The following HS3ST4 variants were observed in gnomAD, a reference collection of about 807,000 sequenced individuals.
HS3ST4 encodes the protein heparan sulfate-glucosamine 3-sulfotransferase 4, also known as heparan sulfate glucosamine 3-O-sulfotransferase 4.
In HS3ST4, 17 loss-of-function variants were observed where a neutral mutation model predicts 29.2. The ratio of observed to expected loss-of-function variants is 0.58; its 90% CI spans 0.40 to 0.87. HS3ST4 has a LOEUF of 0.87. HS3ST4 is among the 40% of genes least tolerant of loss of function. The pLI is 0.00. For synonymous variants in HS3ST4, 314 were observed against 285.7 expected (o/e 1.10, Z -1.00); for missense variants, 627 against 634.5 (o/e 0.99, Z 0.13).
intron 1 of HS3ST4, among the ~76,000 whole-genome samples, chr16:26,034,233 G>C (rs1389716700): frequency 6.6e-6 from 1 of 152,188 alleles, no homozygotes; most frequent in African/African-American, 2.4e-5. Flanking sequence ...ATCAGGGCAA[G>C]AGTATGGTGG....
At chr16:26,054,651 A>G (rs1898386204) in intron 1 of HS3ST4, among the ~76,000 whole-genome samples, 1 of 152,152 alleles carries the variant, frequency 6.6e-6, no homozygotes, top group African/African-American at 2.4e-5. Flanking sequence ...GGACAGCACC[A>G]GGTCATTATT....
intron 1 of HS3ST4, among the ~76,000 whole-genome samples, chr16:26,109,337 C>T (rs527325014): frequency 3.9e-5 from 6 of 152,154 alleles, no homozygotes; most frequent in Admixed American, 6.5e-5. Flanking sequence ...CGCACACAAT[C>T]TTTTCTGCAT....
At chr16:25,745,806 A>G (rs572971506) in intron 1 of HS3ST4, among the ~76,000 whole-genome samples, 57 of 152,302 alleles carry the variant, frequency 3.7e-4, no homozygotes, top group African/African-American at 1.3e-3. Context: ...AAATTCACCA[A>G]TCTACATGTT....
At chr16:25,847,793 A>G (rs115042725) in intron 1 of HS3ST4, among the ~76,000 whole-genome samples, 287 of 152,312 alleles carry the variant, frequency 1.9e-3, no homozygotes, top group African/African-American at 6.8e-3. Context: ...CAGAAATCCT[A>G]ATGATGGATC....
chr16:25,901,349 C>A (rs575157713), intron 1 of HS3ST4, among the ~76,000 whole-genome samples: 1 of 152,326 alleles, frequency 6.6e-6, no homozygotes, highest in Admixed American at 6.5e-5. Context: ...CCAGGGAGTA[C>A]TAGAAAATCT....
At chr16:25,761,476 A>G (rs1008762892) in intron 1 of HS3ST4, among the ~76,000 whole-genome samples, 13 of 152,230 alleles carry the variant, frequency 8.5e-5, no homozygotes, top group Non-Finnish European at 1.6e-4. Flanking sequence ...ATAGTCCTGG[A>G]CAGTCAACCT....
intron 1 of HS3ST4, among the ~76,000 whole-genome samples, chr16:26,116,579 C>A (rs1364938670): frequency 8.1e-6 from 1 of 123,434 alleles, no homozygotes; most frequent in Non-Finnish European, 1.9e-5. Context: ...AATATTGAGT[C>A]CATGATAGCA....
At chr16:25,963,904 G>T (rs1352661717) in intron 1 of HS3ST4, among the ~76,000 whole-genome samples, 4 of 152,132 alleles carry the variant, frequency 2.6e-5, no homozygotes, top group Non-Finnish European at 5.9e-5. Flanking sequence ...GGGCGAGGTG[G>T]CTCACACTGT....
At chr16:26,058,085 CA>C (rs1898431286) in intron 1 of HS3ST4, among the ~76,000 whole-genome samples, 1 of 152,186 alleles carries the variant, frequency 6.6e-6, no homozygotes, top group Admixed American at 6.5e-5. Flanking sequence ...GGAGGCAACA[CA>C]AGTTGTTGCA....
At position 25,949,419 on chromosome 16, in the gene HS3ST4, A is replaced by T. The variant is rs111439252; in HGVS notation, c.735-186193A>T. 2.4e-4 allele frequency among the ~76,000 whole-genome samples: 36 copies of T among 152,204 alleles called. 1 individual carries two copies. Among genetic ancestry groups the T allele is most frequent in the African/African-American group, 8.4e-4 (35 of 41,538 alleles). ...AACCATCCTTCTACTCTCTATGTTCATGATTTCTAGTGATGTTTTTGATTG... is the reference window on the plus strand; with the variant it reads ...AACCATCCTTCTACTCTCTATGTTCTTGATTTCTAGTGATGTTTTTGATTG... On this transcript the variant is annotated intron_variant, in intron 1 of 1. Coordinates refer to ENST00000331351, the MANE Select transcript of HS3ST4 (RefSeq NM_006040.3).
chr16:26,095,951 C>A (rs774546908), intron 1 of HS3ST4, among the ~76,000 whole-genome samples: 39 of 152,112 alleles, frequency 2.6e-4, no homozygotes, highest in Non-Finnish European at 4.7e-4. Context: ...ACCAATCCCA[C>A]AGAAATACAA....
intron 1 of HS3ST4, among the ~76,000 whole-genome samples, chr16:25,721,768 C>T (rs1445962213): frequency 6.6e-6 from 1 of 152,146 alleles, no homozygotes; most frequent in Non-Finnish European, 1.5e-5. Flanking sequence ...AGGGAAAGAA[C>T]GTCATGAGGG....
At chr16:25,881,179 C>T (rs1037788903) in intron 1 of HS3ST4, among the ~76,000 whole-genome samples, 6 of 152,130 alleles carry the variant, frequency 3.9e-5, no homozygotes, top group Non-Finnish European at 5.9e-5. Context: ...GAGAACCCTT[C>T]GTAGGCAAAT....
chr16:25,986,439 G>T (rs971056276), intron 1 of HS3ST4, among the ~76,000 whole-genome samples: 2 of 152,108 alleles, frequency 1.3e-5, no homozygotes, highest in African/African-American at 2.4e-5. Context: ...TAGCTAATTT[G>T]CCCTCAATAT....
chr16:25,932,076 A>G (rs755239349), intron 1 of HS3ST4, among the ~76,000 whole-genome samples: 1 of 152,190 alleles, frequency 6.6e-6, no homozygotes, highest in Non-Finnish European at 1.5e-5. Flanking sequence ...GCACTTTGAG[A>G]GGCCAAAGCC....
chr16:25,703,318 C>T (rs940084797), intron 1 of HS3ST4, among the ~76,000 whole-genome samples: 2 of 152,058 alleles, frequency 1.3e-5, no homozygotes, highest in Non-Finnish European at 2.9e-5. Context: ...GAATAACAGT[C>T]GCCGTGGGAG....
chr16:25,817,710 A>G (rs1967108029), intron 1 of HS3ST4, among the ~76,000 whole-genome samples: 1 of 152,188 alleles, frequency 6.6e-6, no homozygotes, highest in African/African-American at 2.4e-5. Flanking sequence ...CCTATTTTGT[A>G]TTTATTCATC....
intron 1 of HS3ST4, among the ~76,000 whole-genome samples, chr16:25,836,679 C>T (rs200302782): frequency 2.0e-5 from 3 of 152,018 alleles, no homozygotes; most frequent in Admixed American, 6.6e-5. Context: ...TGTTTGTCAG[C>T]GTAGAAATGA....
chr16:25,797,008 A>G (rs886406418), intron 1 of HS3ST4, among the ~76,000 whole-genome samples: 1 of 152,152 alleles, frequency 6.6e-6, no homozygotes, highest in African/African-American at 2.4e-5. Flanking sequence ...TCCGGTCCAG[A>G]GAGAAGTCCT....
Sources: gnomAD v4.1 joint callset for allele counts (sites outside exome capture counted in the v4.1 genomes callset) on GRCh38, gnomAD v4.1.1 for gene constraint, MANE v1.5 for transcripts, NCBI Gene and HGNC (gene_info 2026-07-23, HGNC 2026-07-21) for gene names.